Variants in A1CF observed in about 807,000 individuals in gnomAD.
A1CF encodes the protein APOBEC1 complementation factor.
Under a neutral mutation model 68.9 loss-of-function variants are expected in A1CF, and 48 were observed. The ratio of observed to expected loss-of-function variants is 0.70; its 90% CI spans 0.55 to 0.89. The LOEUF is 0.89. A1CF is among the 40% of genes least tolerant of loss of function. The pLI, the probability that A1CF is intolerant of heterozygous loss-of-function variation, is 0.00. For missense variants in A1CF, 653 were observed against 718.9 expected (o/e 0.91, Z 1.05); for synonymous variants, 272 against 260.4 (o/e 1.04, Z -0.43).
In A1CF at chr10:50,870,946, C is replaced by T. The variant is rs530976246; in HGVS notation, c.-93-6866G>A. The stretch of plus-strand genomic sequence containing the variant: ...AAGTTTATTAAACATTAGGGATTAT[C>T]GAAGTTTAATTCATTTCACTGTTAA... On this transcript the variant is annotated intron_variant, in intron 1 of 12. Transcript: ENST00000373997. 3.5e-4 allele frequency among the ~76,000 whole-genome samples: 53 copies of T among 151,610 alleles called. 2 individuals are homozygous for T. The South Asian group carries it at 9.8e-3, about 28-fold the overall frequency.
rs139088167 is a variant in A1CF at position 50,830,563 on chromosome 10, AAAATGAAAGATCT to A, written c.605-2281_605-2269del. ...ATACTTAGAAATAAATTTAACCAAC[AAAATGAAAGATCT>A]GTATACTTAAAACTGTAAAATATTG... On this transcript the variant is annotated intron_variant, in intron 6 of 12. Coordinates refer to ENST00000373997, the MANE Select transcript of A1CF (RefSeq NM_014576.4). 6.0e-3 allele frequency among the ~76,000 whole-genome samples: 920 copies of A among 152,290 alleles called. 7 individuals are homozygous for A. Among genetic ancestry groups the A allele is most frequent in the African/African-American group, 0.021 (858 of 41,572 alleles).
Position 50,827,302 on chromosome 10 carries a change from T to C in A1CF, c.769+829A>G, listed in dbSNP as rs374962644. ...GCGGACCTAATAGACATCTACAGAATTCTCCACCCCAAATCAACAGAATAT... is the reference window on the plus strand; with the variant it reads ...GCGGACCTAATAGACATCTACAGAACTCTCCACCCCAAATCAACAGAATAT... On this transcript the variant is annotated intron_variant, in intron 7 of 12. Transcript: ENST00000373997. 5.3e-5 allele frequency among the ~76,000 whole-genome samples: 8 copies of C among 151,798 alleles called. No homozygotes were observed. In the East Asian group the frequency reaches 1.5e-3, roughly 29 times the overall value.
In A1CF at chr10:50,816,133, G is replaced by T. The variant is rs1564497532; in HGVS notation, c.1014C>A (p.Thr338=). 1.2e-6 allele frequency: 2 copies of T among 1,613,808 alleles called. No individual in the cohort carries two copies. The highest frequency in any genetic ancestry group is 1.7e-6 in the Non-Finnish European group (2 of 1,179,864). ...TYSLGQVYDP[T]TTYLGAPVFY... is the part of the protein sequence containing the mutation. ...AGACAGGAGCTCCAAGGTAGGTTGT[G>T]GTGGGATCATAAACTTGGCCCAAAG... The change falls in exon 9 of 13, where the codon ACC becomes ACA. Residue 338 remains threonine (T), a synonymous_variant. Transcript: ENST00000373997.
chr10:50,842,110 C>T, intron 4 of A1CF, 118 bp from the exon 5 acceptor site: 1 of 899,790 alleles, frequency 1.1e-6, no homozygotes, highest in South Asian at 1.8e-5. Flanking sequence ...AAGTTTGCCT[C>T]CTGCCAGTAC....
At chr10:50,874,229 T>C (rs1841402933) in intron 1 of A1CF, among the ~76,000 whole-genome samples, 1 of 152,138 alleles carries the variant, frequency 6.6e-6, no homozygotes, top group Non-Finnish European at 1.5e-5. Context: ...CATCTAGAAA[T>C]CTTTTTTGTT....
At chr10:50,819,747 C>T (rs1244084106) in intron 8 of A1CF, among the ~76,000 whole-genome samples, 1 of 152,130 alleles carries the variant, frequency 6.6e-6, no homozygotes, top group African/African-American at 2.4e-5. Context: ...CCTGTCTTTC[C>T]ATATTTTGAT....
intron 3 of A1CF, among the ~76,000 whole-genome samples, chr10:50,853,507 T>A (rs1324802106): frequency 1.3e-5 from 2 of 152,108 alleles, no homozygotes; most frequent in African/African-American, 4.8e-5. Flanking sequence ...TTTTCTATCT[T>A]TTCTATGAGA....
At chr10:50,846,139 G>A (rs1839990743) in intron 3 of A1CF, among the ~76,000 whole-genome samples, 1 of 152,078 alleles carries the variant, frequency 6.6e-6, no homozygotes. Context: ...CCAACATGAT[G>A]CCACAAGTAG....
chr10:50,874,010 A>T (rs1841392326), intron 1 of A1CF, among the ~76,000 whole-genome samples: 1 of 152,206 alleles, frequency 6.6e-6, no homozygotes, highest in African/African-American at 2.4e-5. Context: ...GTATATGCAC[A>T]TATGTACACA....
chr10:50,837,460 G>GA (rs1359572394), intron 5 of A1CF, among the ~76,000 whole-genome samples: 7 of 152,130 alleles, frequency 4.6e-5, no homozygotes, highest in African/African-American at 1.4e-4. Flanking sequence ...TATGTCCCTG[G>GA]AAAATAAAAG....
chr10:50,835,717 A>G (rs1038684085), intron 6 of A1CF, among the ~76,000 whole-genome samples: 2 of 152,198 alleles, frequency 1.3e-5, no homozygotes, highest in African/African-American at 4.8e-5. Flanking sequence ...CTACACTGTA[A>G]TGGAGAATAT....
chr10:50,836,376 G>A lies in A1CF; in HGVS notation c.366-64C>T, dbSNP rs184346883. On this transcript the variant is annotated intron_variant, in intron 5 of 12. Coordinates refer to ENST00000373997, the MANE Select transcript of A1CF (RefSeq NM_014576.4). Reference sequence around the variant, plus strand: ...TGTAGGATTCAGGTTGAAAATGTATGGCTGTGGGCCAAATGTTGCCTGAAG... The same window carrying A: ...TGTAGGATTCAGGTTGAAAATGTATAGCTGTGGGCCAAATGTTGCCTGAAG... 3 of 1,521,062 alleles carry A rather than the reference G, an allele frequency of 2.0e-6. No individual in the cohort carries two copies. The East Asian group carries it at 6.8e-5, about 34-fold the overall frequency. 94.2% of individuals were successfully genotyped at this position (1,521,062 alleles called of 1,614,324 possible).
intron 1 of A1CF, among the ~76,000 whole-genome samples, chr10:50,877,673 A>G (rs1841572920): frequency 6.6e-6 from 1 of 152,244 alleles, no homozygotes; most frequent in Non-Finnish European, 1.5e-5. Flanking sequence ...TTTCTTTCAT[A>G]GTGATGAAAA....
intron 3 of A1CF, among the ~76,000 whole-genome samples, chr10:50,856,647 C>T (rs1241176912): frequency 1.3e-5 from 2 of 152,098 alleles, no homozygotes; most frequent in African/African-American, 2.4e-5. Context: ...CTTAATCTCA[C>T]AAGTTATCTA....
chr10:50,850,154 G>A (rs12776639), intron 3 of A1CF, among the ~76,000 whole-genome samples: 18,451 of 152,182 alleles, frequency 0.12, 1,416 homozygotes, highest in South Asian at 0.17. Context: ...TTTAAAAAAT[G>A]TATGATATGG....
At chr10:50,875,000 G>A (rs926222486) in intron 1 of A1CF, among the ~76,000 whole-genome samples, 1 of 152,126 alleles carries the variant, frequency 6.6e-6, no homozygotes, top group Non-Finnish European at 1.5e-5. Context: ...ATATGCAGTT[G>A]CATCTAGAAC....
At chr10:50,865,296 T>TTACTAC (rs34019432) in intron 1 of A1CF, among the ~76,000 whole-genome samples, 13 of 151,088 alleles carry the variant, frequency 8.6e-5, no homozygotes, top group East Asian at 3.9e-4. Context: ...GCTGCTGCTA[T>TTACTAC]TACTACTACT....
chr10:50,826,908 C>T (rs1484783031), intron 7 of A1CF, among the ~76,000 whole-genome samples: 2 of 152,102 alleles, frequency 1.3e-5, no homozygotes, highest in East Asian at 3.9e-4. Flanking sequence ...CAGAGACACA[C>T]ATAGGCTCAA....
chr10:50,861,273 T>C (rs1840732538), intron 2 of A1CF, among the ~76,000 whole-genome samples: 2 of 150,918 alleles, frequency 1.3e-5, no homozygotes, highest in Non-Finnish European at 2.9e-5. Flanking sequence ...ACAATAGCAA[T>C]ATTACTAAGA....
Sources: gnomAD v4.1 joint callset for allele counts (sites outside exome capture counted in the v4.1 genomes callset) on GRCh38, gnomAD v4.1.1 for gene constraint, MANE v1.5 for transcripts, NCBI Gene and HGNC (gene_info 2026-07-23, HGNC 2026-07-21) for gene names.